LMOD1: variants seen among roughly 807,000 people sequenced by gnomAD.
LMOD1 encodes the protein leiomodin-1.
Under a neutral mutation model 36.5 loss-of-function variants are expected in LMOD1, and 8 were observed. The observed-to-expected ratio is 0.22, with a 90% CI of 0.13 to 0.40. LMOD1 has a LOEUF of 0.40. Among genes scored for constraint, LMOD1 ranks in the 10% least tolerant of loss-of-function variants. The pLI, the probability that LMOD1 is intolerant of heterozygous loss-of-function variation, is 1.00. For synonymous variants in LMOD1, 284 were observed against 288.7 expected, an observed-to-expected ratio of 0.98 and a Z score of 0.17; for missense variants, 630 against 751.1, an observed-to-expected ratio of 0.84 and a Z score of 1.88.
intron 1 of LMOD1, among the ~76,000 whole-genome samples, chr1:201,914,759 G>A (rs372107627): frequency 3.2e-5 from 4 of 124,168 alleles, no homozygotes; most frequent in East Asian, 4.9e-4. Flanking sequence ...CCCTCCCCAC[G>A]CACTCTGGTG....
intron 1 of LMOD1, among the ~76,000 whole-genome samples, chr1:201,932,231 G>A (rs1681935732): frequency 1.3e-5 from 2 of 152,154 alleles, no homozygotes; most frequent in African/African-American, 4.8e-5. Flanking sequence ...GAGTGGAAGA[G>A]AAGTCAGTCC....
intron 1 of LMOD1, among the ~76,000 whole-genome samples, chr1:201,924,323 CAA>C (rs758572161): frequency 3.0e-4 from 12 of 40,150 alleles, no homozygotes; most frequent in African/African-American, 4.5e-4. Context: ...GACTCTGTCT[CAA>C]AAAAAAAAAA....
chr1:201,929,812 T>A (rs1450155331), intron 1 of LMOD1, among the ~76,000 whole-genome samples: 2 of 152,072 alleles, frequency 1.3e-5, no homozygotes, highest in Admixed American at 6.6e-5. Flanking sequence ...CTTAAGAAGT[T>A]TGGGAAAAGC....
intron 1 of LMOD1, among the ~76,000 whole-genome samples, chr1:201,909,523 G>C (rs959505828): frequency 8.5e-5 from 13 of 152,162 alleles, no homozygotes; most frequent in Non-Finnish European, 1.8e-4. Context: ...GGGATTACAG[G>C]TGTGAGCTGC....
rs906200443 is a variant in LMOD1, at chr1:201,902,635, CAG to C, written c.262-1886_262-1885del. Among the ~76,000 whole-genome samples, 32 of 152,040 alleles carry C rather than the reference CAG, an allele frequency of 2.1e-4. 1 individual carries two copies. Among genetic ancestry groups the C allele is most frequent in the African/African-American group, 7.5e-4 (31 of 41,400 alleles). ...CTAATTTTTGTATTTTTAGTAGAGACAGGGTTTCACCATGTTGGTCAGGCTGG... is the reference window on the plus strand; with the variant it reads ...CTAATTTTTGTATTTTTAGTAGAGACGGTTTCACCATGTTGGTCAGGCTGG... On this transcript the variant is annotated intron_variant, in intron 1 of 2. Transcript: ENST00000367288.
Position 201,901,594 on chromosome 1 carries a change from A to ATG in LMOD1, c.262-845_262-844dup, listed in dbSNP as rs1418355437. ...TATATATATATATATACATATATATATGTATATATATATATACACATATAT... is the reference window on the plus strand; with the variant it reads ...TATATATATATATATACATATATATATGTGTATATATATATATACACATATAT... On this transcript the variant is annotated intron_variant, in intron 1 of 2. Transcript: ENST00000367288. Among the ~76,000 whole-genome samples the ATG allele has an allele frequency of 1.1e-3, 10 of 8,976 alleles. 1 individual carries two copies. Among genetic ancestry groups the ATG allele is most frequent in the East Asian group, 6.0e-3 (2 of 336 alleles). 5.9% of individuals were successfully genotyped at this position (8,976 alleles called of 152,430 possible).
intron 1 of LMOD1, among the ~76,000 whole-genome samples, chr1:201,901,610 ACACATATATATGTGTGTGTG>A (rs1681319694): frequency 2.9e-5 from 1 of 34,708 alleles, no homozygotes; most frequent in African/African-American, 1.3e-4. Context: ...ATATATATAT[ACACATATATATGTGTGTGTG>A]TATATATATA....
intron 1 of LMOD1, among the ~76,000 whole-genome samples, chr1:201,910,012 TG>T (rs1212429859): frequency 3.3e-5 from 5 of 152,180 alleles, no homozygotes; most frequent in Non-Finnish European, 5.9e-5. Flanking sequence ...GAAATAAGAA[TG>T]TTAATCACAA....
At chr1:201,904,279 C>T (rs1438827224) in intron 1 of LMOD1, among the ~76,000 whole-genome samples, 1 of 152,140 alleles carries the variant, frequency 6.6e-6, no homozygotes, top group Non-Finnish European at 1.5e-5. Context: ...GCCGCAATCT[C>T]GGCTCACTGC....
chr1:201,916,871 C>T (rs540203188), intron 1 of LMOD1, among the ~76,000 whole-genome samples: 11 of 152,314 alleles, frequency 7.2e-5, no homozygotes, highest in Non-Finnish European at 1.5e-4. Flanking sequence ...CCAGCATAAA[C>T]AGAAACGCCA....
rs755194831 is a variant in LMOD1, at chr1:201,900,565, T to A, written c.448A>T (p.Lys150Ter). ...ATGCCCCGGATGATCTTCTCCTCCT[T>A]GGGCTTCTCGCCACTCTTGCCACCA... is the stretch of plus-strand genomic sequence containing the variant. ...EAGGKSGEKPKEEKIIRGIDK... is the reference protein window; with the variant it reads ...EAGGKSGEKP Residue 150 changes from lysine (K) to a stop codon, truncating the protein, a stop_gained, in exon 2 of 3, where the codon AAG becomes TAG. Coordinates refer to ENST00000367288, the MANE Select transcript of LMOD1 (RefSeq NM_012134.3). LOFTEE classifies it high-confidence loss of function. 1 of 1,613,768 alleles carries A rather than the reference T, an allele frequency of 6.2e-7. No individual in the cohort carries two copies. Among genetic ancestry groups the A allele is most frequent in the Non-Finnish European group, 8.5e-7 (1 of 1,179,876 alleles).
chr1:201,930,501 T>C (rs1273275570), intron 1 of LMOD1, among the ~76,000 whole-genome samples: 2 of 152,104 alleles, frequency 1.3e-5, no homozygotes, highest in African/African-American at 4.8e-5. Context: ...TCTGATTAAA[T>C]GGTACTTCTA....
rs762270367 is a variant in LMOD1 at position 201,900,072 on chromosome 1, G to C, written c.941C>G (p.Ala314Gly). Residue 314 changes from alanine (A) to glycine (G), a missense_variant, in exon 2 of 3, where the codon GCT (alanine) becomes GGT (glycine). Physicochemically the swap from Ala to Gly is moderately conservative, Grantham distance 60. Around this residue, in one of 3 missense-constraint regions of LMOD1, gnomAD observed 405 missense variants for 400.6 expected, o/e 1.01. Transcript: ENST00000367288. ...CAGAGGCTCATCAAATATGCTGGGA[G>C]CTGCCTCCTCCTCCACCTTGGCCGG... is the stretch of plus-strand genomic sequence containing the variant. ...EGPAKVEEEA[A>G]PSIFDEPLER... is the part of the protein sequence containing the mutation. The C allele has an allele frequency of 6.2e-7, 1 of 1,613,872 alleles. No individual in the cohort carries two copies. The highest frequency in any genetic ancestry group is 8.5e-7 in the Non-Finnish European group (1 of 1,179,888).
chr1:201,921,918 C>T (rs1158412544), intron 1 of LMOD1, among the ~76,000 whole-genome samples: 1 of 151,470 alleles, frequency 6.6e-6, no homozygotes, highest in Non-Finnish European at 1.5e-5. Flanking sequence ...TGAGATCATG[C>T]CAGTGCACTC....
At chr1:201,901,545 T>TACATACAC (rs1681308238) in intron 1 of LMOD1, among the ~76,000 whole-genome samples, 1 of 16,054 alleles carries the variant, frequency 6.2e-5, no homozygotes, top group Non-Finnish European at 1.1e-4. Flanking sequence ...TATATATATA[T>TACATACAC]ATATATACAT....
At chr1:201,913,005 G>A (rs1202932868) in intron 1 of LMOD1, among the ~76,000 whole-genome samples, 1 of 152,070 alleles carries the variant, frequency 6.6e-6, no homozygotes, top group Non-Finnish European at 1.5e-5. Flanking sequence ...GAGCTGAGAG[G>A]CAGCGAGGCA....
At position 201,900,011 on chromosome 1, in the gene LMOD1, C is replaced by G; in HGVS notation, c.1002G>C (p.Glu334Asp). The G allele has an allele frequency of 6.2e-7, 1 of 1,613,916 alleles. No homozygotes were observed. ...TGCAGTCTGAGTTGTTGACGTTCAC[C>G]TCAGTCATCTCGGGGTCATTGTTCT... ...RVKNNDPEMTEVNVNNSDCIT... is the reference protein window; with the variant it reads ...RVKNNDPEMTDVNVNNSDCIT... The change falls in exon 2 of 3, where the codon GAG becomes GAC. Residue 334 changes from glutamate (E) to aspartate (D), a missense_variant. Physicochemically the swap from Glu to Asp is conservative, Grantham distance 45 (BLOSUM62 2). Transcript: ENST00000367288.
intron 1 of LMOD1, among the ~76,000 whole-genome samples, chr1:201,935,637 A>G (rs1385284142): frequency 6.6e-6 from 1 of 151,388 alleles, no homozygotes; most frequent in Non-Finnish European, 1.5e-5. Context: ...GCTCACTGCA[A>G]CCTCCACCTC....
chr1:201,899,737 G>A lies in LMOD1; in HGVS notation c.1276C>T (p.Arg426Ter), dbSNP rs1681261729. 6 of 1,614,014 alleles carry A rather than the reference G, an allele frequency of 3.7e-6. No individual in the cohort carries two copies. Among genetic ancestry groups the A allele is most frequent in the Non-Finnish European group, 5.1e-6 (6 of 1,179,884 alleles). ...TCCGTCTTGCCTCCACAGATGTGTC[G>A]CTGGTTGTGGAAGCGGAGCTCGGTC... ...TLTELRFHNQ[R>*]HICGGKTEME... Residue 426 changes from arginine to a stop codon, truncating the protein, a stop_gained, in exon 2 of 3, where the codon CGA (arginine) becomes TGA (stop). Coordinates refer to ENST00000367288, the MANE Select transcript of LMOD1 (RefSeq NM_012134.3). LOFTEE classifies it high-confidence loss of function. This position sits in a 1 kb window ranked among gnomAD's most constrained non-coding sequence, Gnocchi z 6.3.
Sources: allele counts gnomAD v4.1 joint callset (sites outside exome capture counted in the v4.1 genomes callset), GRCh38; gene constraint gnomAD v4.1.1; regional missense constraint gnomAD v4.1.1; non-coding constraint Gnocchi (gnomAD v3.1); transcripts MANE v1.5; gene names NCBI Gene and HGNC (gene_info 2026-07-23, HGNC 2026-07-21).